Variants in FSTL4 observed in about 807,000 individuals in gnomAD.
FSTL4 encodes the protein follistatin-related protein 4.
Under a neutral mutation model 78.2 loss-of-function variants are expected in FSTL4, and 28 were observed. The ratio of observed to expected loss-of-function variants is 0.36; its 90% CI spans 0.27 to 0.49. The LOEUF (loss-of-function observed/expected upper bound fraction) is 0.49. Among genes scored for constraint, FSTL4 ranks in the 20% least tolerant of loss-of-function variants. FSTL4 has a pLI of 0.98. For missense variants in FSTL4, 922 were observed against 1,084.9 expected, an observed-to-expected ratio of 0.85 and a Z score of 2.11; for synonymous variants, 422 against 440.5, an observed-to-expected ratio of 0.96 and a Z score of 0.53.
chr5:133,410,889 C>T (rs1756464929), intron 3 of FSTL4, among the ~76,000 whole-genome samples: 2 of 152,174 alleles, frequency 1.3e-5, no homozygotes. Flanking sequence ...AGCTTAGTAA[C>T]AATATCGGAC....
intron 14 of FSTL4, among the ~76,000 whole-genome samples, chr5:133,204,861 G>T (rs1750444020): frequency 6.6e-6 from 1 of 150,406 alleles, no homozygotes; most frequent in African/African-American, 2.5e-5. Flanking sequence ...AATCTTTCAG[G>T]CTTTTGGTTA....
the FSTL4 span, among the ~76,000 whole-genome samples, chr5:133,792,906 G>A: frequency 6.6e-6 from 1 of 152,202 alleles, no homozygotes; most frequent in Non-Finnish European, 1.5e-5. Flanking sequence ...GTAAAACTCG[G>A]GCTCAGAGCA....
chr5:133,464,787 AG>A (rs1436805816), intron 3 of FSTL4, among the ~76,000 whole-genome samples: 2 of 152,250 alleles, frequency 1.3e-5, no homozygotes, highest in African/African-American at 4.8e-5. Flanking sequence ...GTTATGCAAA[AG>A]AAGAGGCTGT....
At chr5:133,666,589 A>AAG in the FSTL4 span, among the ~76,000 whole-genome samples, 13,538 of 151,930 alleles carry the variant, frequency 0.089, 790 homozygotes, top group South Asian at 0.17. Context: ...TAAAAAAAAA[A>AAG]AAAAAGTCTG....
intron 6 of FSTL4, 24 bp from the exon 7 acceptor site, chr5:133,249,600 C>T (rs1186462792): frequency 1.8e-5 from 29 of 1,595,550 alleles, no homozygotes; most frequent in Middle Eastern, 1.7e-4. Context: ...GGAGGAGGCA[C>T]GGTCAGGTGC....
intron 14 of FSTL4, among the ~76,000 whole-genome samples, chr5:133,206,924 AAATAATT>A (rs2126766484): frequency 1.1e-5 from 1 of 91,696 alleles, no homozygotes; most frequent in Non-Finnish European, 2.1e-5. Context: ...TTTTGATATG[AAATAATT>A]AATAGTCTCT....
At chr5:133,258,569 T>C (rs11952725) in intron 6 of FSTL4, among the ~76,000 whole-genome samples, 14,081 of 152,196 alleles carry the variant, frequency 0.093, 1,069 homozygotes, top group African/African-American at 0.21. Context: ...ACATCTTCTG[T>C]TGGTTTTATT....
the FSTL4 span, among the ~76,000 whole-genome samples, chr5:133,806,648 G>A: frequency 2.0e-5 from 3 of 152,180 alleles, no homozygotes; most frequent in Admixed American, 6.5e-5. Flanking sequence ...TCCTGAGCTC[G>A]ACGTTCAGGG....
the FSTL4 span, among the ~76,000 whole-genome samples, chr5:133,693,882 T>C: frequency 6.6e-6 from 1 of 152,160 alleles, no homozygotes; most frequent in African/African-American, 2.4e-5. Flanking sequence ...TTTTTTGTTC[T>C]GTCTGGGCCC....
intron 14 of FSTL4, among the ~76,000 whole-genome samples, chr5:133,206,466 AT>A (rs1249947268): frequency 1.3e-5 from 2 of 152,000 alleles, no homozygotes; most frequent in Non-Finnish European, 2.9e-5. Context: ...GGTTCAAGCG[AT>A]TCTCCTGCCT....
chr5:133,454,776 G>A (rs1354330628), intron 3 of FSTL4, among the ~76,000 whole-genome samples: 3 of 152,202 alleles, frequency 2.0e-5, no homozygotes, highest in African/African-American at 7.2e-5. Flanking sequence ...ACCCTCTGGG[G>A]CTTGAAGGCT....
chr5:133,466,471 G>A (rs1285798677), intron 3 of FSTL4, among the ~76,000 whole-genome samples: 1 of 152,108 alleles, frequency 6.6e-6, no homozygotes, highest in African/African-American at 2.4e-5. Flanking sequence ...GAACCCAGGA[G>A]GCGGAGCTTG....
chr5:133,274,243 T>A (rs934944083), intron 6 of FSTL4, among the ~76,000 whole-genome samples: 1 of 152,108 alleles, frequency 6.6e-6, no homozygotes, highest in Non-Finnish European at 1.5e-5. Context: ...TCAGCCTGTG[T>A]CCTATTTGGG....
chr5:133,567,165 G>C (rs751092967), intron 3 of FSTL4, 21 bp downstream of exon 3: 1 of 1,548,596 alleles, frequency 6.5e-7, no homozygotes, highest in Non-Finnish European at 8.9e-7. Context: ...AATAAAATGG[G>C]TATGAGTGCA....
intron 6 of FSTL4, among the ~76,000 whole-genome samples, chr5:133,300,923 C>T (rs1317840595): frequency 3.3e-5 from 5 of 152,116 alleles, no homozygotes; most frequent in Non-Finnish European, 7.4e-5. Flanking sequence ...GAGCCGGAAG[C>T]CCTGAGCTTT....
chr5:133,638,349 C>T, the FSTL4 span, among the ~76,000 whole-genome samples: 1 of 152,140 alleles, frequency 6.6e-6, no homozygotes, highest in Non-Finnish European at 1.5e-5. Context: ...TCACAGCACC[C>T]ATGTCTTGAC....
intron 3 of FSTL4, among the ~76,000 whole-genome samples, chr5:133,418,780 T>C (rs1756633205): frequency 6.6e-6 from 1 of 152,216 alleles, no homozygotes; most frequent in African/African-American, 2.4e-5. Flanking sequence ...ACTACACCTA[T>C]ATACAGCATA....
At position 133,225,059 on chromosome 5, in the gene FSTL4, G is replaced by A; in HGVS notation, c.1312+91C>T. On this transcript the variant is annotated intron_variant, in intron 10 of 15. Transcript: ENST00000265342. The surrounding 1 kb of genome is among the most constrained non-coding windows in gnomAD (Gnocchi z 4.6). ...CCCTGTCTTCACGGGCTCATGGTTG[G>A]CAGCTGTGGCCCTGGTCAATTGGTG... 7.0e-7 allele frequency: 1 copy of A among 1,434,244 alleles called. No individual in the cohort carries two copies. Among genetic ancestry groups the A allele is most frequent in the Non-Finnish European group, 9.8e-7 (1 of 1,024,354 alleles). The allele number at this position is 1,434,244 out of a possible 1,614,324, so 88.8% of individuals were successfully genotyped here.
At chr5:133,549,329 G>A (rs544794400) in intron 3 of FSTL4, among the ~76,000 whole-genome samples, 249 of 152,112 alleles carry the variant, frequency 1.6e-3, no homozygotes, top group Admixed American at 3.7e-3. Flanking sequence ...GTTCTCTTCA[G>A]TTATGCCCTG....
Sources: gnomAD v4.1 joint callset for allele counts (sites outside exome capture counted in the v4.1 genomes callset) on GRCh38, gnomAD v4.1.1 for gene constraint, Gnocchi (gnomAD v3.1) non-coding constraint, MANE v1.5 for transcripts, NCBI Gene and HGNC (gene_info 2026-07-23, HGNC 2026-07-21) for gene names.